Variants in XYLT1 observed in about 807,000 individuals in gnomAD.
XYLT1 encodes the protein xylosyltransferase 1.
In XYLT1, 36 loss-of-function variants were observed where a neutral mutation model predicts 91.3. That is an observed-to-expected ratio of 0.39 (90% CI 0.30 to 0.52). The LOEUF is 0.52. XYLT1 is among the 20% of genes least tolerant of loss of function. The pLI is 0.68. For missense variants in XYLT1, 1,242 were observed against 1,284.5 expected (o/e 0.97, Z 0.51); for synonymous variants, 588 against 532.0 (o/e 1.11, Z -1.45).
intron 3 of XYLT1, among the ~76,000 whole-genome samples, chr16:17,230,538 A>G (rs539278263): frequency 6.6e-6 from 1 of 152,326 alleles, no homozygotes; most frequent in South Asian, 2.1e-4. Context: ...TGTTTTCCAA[A>G]GGAAGCTGAT....
chr16:17,194,774 T>C (rs1270068518), intron 5 of XYLT1, among the ~76,000 whole-genome samples: 2 of 152,226 alleles, frequency 1.3e-5, no homozygotes, highest in East Asian at 1.9e-4. Flanking sequence ...CACTCTGCCA[T>C]GCATTCATCA....
intron 2 of XYLT1, among the ~76,000 whole-genome samples, chr16:17,336,618 C>A (rs1401084905): frequency 6.6e-6 from 1 of 152,090 alleles, no homozygotes; most frequent in Non-Finnish European, 1.5e-5. Flanking sequence ...CTCCTAGGCT[C>A]ACCCCAGGCC....
chr16:17,234,347 C>T (rs1237807619), intron 3 of XYLT1, among the ~76,000 whole-genome samples: 1 of 152,192 alleles, frequency 6.6e-6, no homozygotes, highest in Non-Finnish European at 1.5e-5. Flanking sequence ...TCTGGGCCTA[C>T]CTTTATCCCC....
intron 3 of XYLT1, among the ~76,000 whole-genome samples, chr16:17,216,662 T>C (rs1012908039): frequency 1.3e-5 from 2 of 152,204 alleles, no homozygotes; most frequent in Admixed American, 6.5e-5. Context: ...CTCATTGAGT[T>C]CTTGCAGCAA....
At chr16:17,450,290 A>G (rs187560884) in intron 1 of XYLT1, among the ~76,000 whole-genome samples, 78 of 152,178 alleles carry the variant, frequency 5.1e-4, no homozygotes, top group African/African-American at 1.6e-3. Context: ...GTGAGCTGAG[A>G]TTGCGCCACT....
At chr16:17,244,577 T>C (rs1397157508) in intron 3 of XYLT1, among the ~76,000 whole-genome samples, 1 of 152,190 alleles carries the variant, frequency 6.6e-6, no homozygotes, top group Non-Finnish European at 1.5e-5. Context: ...ATTCTTCAGA[T>C]GCTCTGTAGC....
intron 1 of XYLT1, among the ~76,000 whole-genome samples, chr16:17,401,612 C>T (rs2035970103): frequency 6.6e-6 from 1 of 152,144 alleles, no homozygotes; most frequent in Non-Finnish European, 1.5e-5. Flanking sequence ...ATCATCCCCA[C>T]CTCAAGGAGC....
At chr16:17,158,572 T>G (rs759112614) in intron 6 of XYLT1, among the ~76,000 whole-genome samples, 4 of 152,200 alleles carry the variant, frequency 2.6e-5, no homozygotes, top group Non-Finnish European at 4.4e-5. Flanking sequence ...AATGAGATAT[T>G]GGACTTGTGG....
At chr16:17,242,936 C>T (rs117120181) in intron 3 of XYLT1, among the ~76,000 whole-genome samples, 4,492 of 152,268 alleles carry the variant, frequency 0.03, 131 homozygotes, top group Admixed American at 0.033. Flanking sequence ...TTGCAGCATG[C>T]GATAGGGTCT....
chr16:17,214,426 G>A (rs981265490), intron 3 of XYLT1, among the ~76,000 whole-genome samples: 1 of 152,234 alleles, frequency 6.6e-6, no homozygotes, highest in Non-Finnish European at 1.5e-5. Context: ...TATGCTCAGA[G>A]AAGTGCCTAG....
In XYLT1 at chr16:17,367,851, T is replaced by C. The variant is rs896965347; in HGVS notation, c.364-9801A>G. Among the ~76,000 whole-genome samples, 14 of 152,288 alleles carry C rather than the reference T, an allele frequency of 9.2e-5. No individual in the cohort carries two copies. In the East Asian group the frequency reaches 9.7e-4, roughly 10 times the overall value. On this transcript the variant is annotated intron_variant, in intron 1 of 11. Transcript: ENST00000261381. ...TCACTGTTTGGTGAGGCATGGGAGA[T>C]CCAGGAGGAAAGGCCTATTTCCTAA...
At chr16:17,236,209 G>T (rs907269997) in intron 3 of XYLT1, among the ~76,000 whole-genome samples, 1 of 152,180 alleles carries the variant, frequency 6.6e-6, no homozygotes, top group African/African-American at 2.4e-5. Context: ...ACAAGCATCT[G>T]ATTTTTAATT....
intron 2 of XYLT1, among the ~76,000 whole-genome samples, chr16:17,320,617 C>G (rs1462426329): frequency 4.6e-5 from 7 of 151,154 alleles, no homozygotes; most frequent in African/African-American, 1.7e-4. Flanking sequence ...GTAGCTAGGA[C>G]TACAGGCCCC....
intron 1 of XYLT1, among the ~76,000 whole-genome samples, chr16:17,374,551 G>C (rs1176072155): frequency 4.0e-5 from 6 of 151,396 alleles, no homozygotes; most frequent in Admixed American, 3.9e-4. Context: ...CATTTTTAGG[G>C]ATCATGATAT....
intron 7 of XYLT1, 102 bp from the exon 8 acceptor site, chr16:17,138,633 T>G (rs1250805645): frequency 6.4e-6 from 9 of 1,398,364 alleles, no homozygotes; most frequent in Non-Finnish European, 7.8e-6. Context: ...ATGTAAGAAC[T>G]GGTTGTTTAA....
intron 1 of XYLT1, among the ~76,000 whole-genome samples, chr16:17,373,467 A>C (rs1315688397): frequency 1.3e-5 from 2 of 152,248 alleles, no homozygotes; most frequent in Non-Finnish European, 2.9e-5. Context: ...AAACTTGTGA[A>C]TAAAACAAAG....
chr16:17,163,122 C>T (rs2031593458), intron 5 of XYLT1, among the ~76,000 whole-genome samples: 1 of 152,198 alleles, frequency 6.6e-6, no homozygotes, highest in Non-Finnish European at 1.5e-5. Flanking sequence ...CTGATTTGAA[C>T]TTGGAAGGCT....
At chr16:17,376,968 G>A (rs2035610397) in intron 1 of XYLT1, among the ~76,000 whole-genome samples, 1 of 152,056 alleles carries the variant, frequency 6.6e-6, no homozygotes, top group African/African-American at 2.4e-5. Flanking sequence ...CTTTAGGTCA[G>A]AAGTTCGAGA....
intron 2 of XYLT1, among the ~76,000 whole-genome samples, chr16:17,285,939 T>TGAGAGAGAGAGAGAAAGAGA (rs2034133776): frequency 8.3e-6 from 1 of 120,136 alleles, no homozygotes; most frequent in East Asian, 2.3e-4. Context: ...TGTGAGTGAG[T>TGAGAGAGAGAGAGAAAGAGA]GAGAGAGAGA....
Sources: gnomAD v4.1 joint callset for allele counts (sites outside exome capture counted in the v4.1 genomes callset) on GRCh38, gnomAD v4.1.1 for gene constraint, MANE v1.5 for transcripts, NCBI Gene and HGNC (gene_info 2026-07-23, HGNC 2026-07-21) for gene names.